The following SYNDIG1 variants were observed in gnomAD, a reference collection of about 807,000 sequenced individuals.
SYNDIG1 encodes synapse differentiation inducing 1.
A neutral mutation model predicts 19.4 loss-of-function variants in SYNDIG1; 9 were observed. That is an observed-to-expected ratio of 0.46 (90% CI 0.28 to 0.81). SYNDIG1 has a LOEUF of 0.81. SYNDIG1 is among the 30% of genes least tolerant of loss of function. The pLI, the probability that SYNDIG1 is intolerant of heterozygous loss-of-function variation, is 0.12. For synonymous variants in SYNDIG1, 141 were observed against 145.9 expected, an observed-to-expected ratio of 0.97 and a Z score of 0.24; for missense variants, 311 against 343.3, an observed-to-expected ratio of 0.91 and a Z score of 0.74.
chr20:24,557,970 A>G (rs1405891950), intron 2 of SYNDIG1, among the ~76,000 whole-genome samples: 1 of 152,140 alleles, frequency 6.6e-6, no homozygotes, highest in African/African-American at 2.4e-5. Flanking sequence ...GCAGCCGAGG[A>G]GATGGGAGCT....
At chr20:24,557,791 C>G (rs896785937) in intron 2 of SYNDIG1, among the ~76,000 whole-genome samples, 7 of 152,202 alleles carry the variant, frequency 4.6e-5, no homozygotes, top group African/African-American at 1.7e-4. Context: ...TCTGCCCGTT[C>G]TCAGATCTCC....
chr20:24,617,445 G>C (rs963808876), intron 3 of SYNDIG1, among the ~76,000 whole-genome samples: 5 of 152,224 alleles, frequency 3.3e-5, no homozygotes, highest in African/African-American at 1.2e-4. Flanking sequence ...CACAGTCACA[G>C]CTGCATCCTT....
intron 3 of SYNDIG1, among the ~76,000 whole-genome samples, chr20:24,605,778 T>C (rs1014374041): frequency 6.6e-6 from 1 of 152,178 alleles, no homozygotes; most frequent in Non-Finnish European, 1.5e-5. Flanking sequence ...AGAGAAAACA[T>C]GCATGTTGAT....
intron 3 of SYNDIG1, among the ~76,000 whole-genome samples, chr20:24,663,091 C>T (rs1343304298): frequency 2.6e-5 from 4 of 152,214 alleles, no homozygotes; most frequent in South Asian, 2.1e-4. Flanking sequence ...CATTAGACCA[C>T]GTTGTGTGTT....
At chr20:24,538,466 A>G (rs1371443668) in intron 1 of SYNDIG1, among the ~76,000 whole-genome samples, 1 of 84,048 alleles carries the variant, frequency 1.2e-5, no homozygotes, top group Non-Finnish European at 2.9e-5. Context: ...GCAATACTCC[A>G]TTGAATGTAG....
intron 1 of SYNDIG1, among the ~76,000 whole-genome samples, chr20:24,524,987 T>C (rs959656647): frequency 6.6e-5 from 10 of 152,166 alleles, no homozygotes; most frequent in Admixed American, 5.2e-4. Flanking sequence ...TTAATTTAGA[T>C]GGGGCTCATT....
chr20:24,537,106 A>G (rs1055425570), intron 1 of SYNDIG1, among the ~76,000 whole-genome samples: 2 of 152,062 alleles, frequency 1.3e-5, no homozygotes, highest in Non-Finnish European at 2.9e-5. Flanking sequence ...GCTTACTATG[A>G]GCCTCTAAAT....
chr20:24,617,555 T>A (rs1483387357), intron 3 of SYNDIG1, among the ~76,000 whole-genome samples: 1 of 152,154 alleles, frequency 6.6e-6, no homozygotes, highest in Admixed American at 6.5e-5. Context: ...CAGAGTCTCC[T>A]CCTTCTGCGA....
chr20:24,527,431 A>G (rs1273671487), intron 1 of SYNDIG1, among the ~76,000 whole-genome samples: 1 of 151,986 alleles, frequency 6.6e-6, no homozygotes, highest in African/African-American at 2.4e-5. Flanking sequence ...TTCATGAACA[A>G]TTGTTCTATA....
intron 1 of SYNDIG1, among the ~76,000 whole-genome samples, chr20:24,504,401 C>T (rs190773135): frequency 2.9e-4 from 44 of 152,280 alleles, no homozygotes; most frequent in African/African-American, 1.1e-3. Context: ...AGCAAAAAGG[C>T]TTAAAGGAAC....
intron 2 of SYNDIG1, among the ~76,000 whole-genome samples, chr20:24,552,915 C>T (rs1210665093): frequency 2.0e-5 from 3 of 152,210 alleles, no homozygotes; most frequent in Non-Finnish European, 2.9e-5. Flanking sequence ...AACTAGTTTA[C>T]AGTCCCACCA....
chr20:24,579,774 G>C (rs1269715970), intron 2 of SYNDIG1, among the ~76,000 whole-genome samples: 1 of 152,206 alleles, frequency 6.6e-6, no homozygotes, highest in Non-Finnish European at 1.5e-5. Context: ...ATGCTCACCA[G>C]AGTCGGTGAG....
chr20:24,579,069 A>G (rs1014920371), intron 2 of SYNDIG1, among the ~76,000 whole-genome samples: 1 of 152,218 alleles, frequency 6.6e-6, no homozygotes, highest in East Asian at 1.9e-4. Flanking sequence ...TAAACATTCC[A>G]CAACAAACTA....
At chr20:24,592,131 G>T (rs987279242) in intron 3 of SYNDIG1, among the ~76,000 whole-genome samples, 1 of 152,170 alleles carries the variant, frequency 6.6e-6, no homozygotes, top group Admixed American at 6.5e-5. Context: ...TGAATTTAAT[G>T]TTCTGTAGCA....
intron 3 of SYNDIG1, among the ~76,000 whole-genome samples, chr20:24,627,423 G>A (rs527744633): frequency 6.6e-6 from 1 of 152,292 alleles, no homozygotes; most frequent in African/African-American, 2.4e-5. Context: ...CCCTTCTGCT[G>A]GTGAATTTTG....
At chr20:24,537,936 T>G (rs1171670404) in intron 1 of SYNDIG1, among the ~76,000 whole-genome samples, 7 of 152,156 alleles carry the variant, frequency 4.6e-5, no homozygotes, top group African/African-American at 1.7e-4. Flanking sequence ...CGCACAGTCT[T>G]CTTTTCTCGG....
At chr20:24,506,416 C>T (rs1323521349) in intron 1 of SYNDIG1, among the ~76,000 whole-genome samples, 1 of 152,214 alleles carries the variant, frequency 6.6e-6, no homozygotes, top group African/African-American at 2.4e-5. Flanking sequence ...GAAATTCCCC[C>T]AAGCGCCAAA....
At chr20:24,544,290 A>G (rs1323670465) in intron 2 of SYNDIG1, among the ~76,000 whole-genome samples, 3 of 152,208 alleles carry the variant, frequency 2.0e-5, no homozygotes, top group Non-Finnish European at 4.4e-5. Flanking sequence ...GCTGCAGGCC[A>G]TGGACTAGCG....
At chr20:24,508,582 TA>T (rs1211374638) in intron 1 of SYNDIG1, among the ~76,000 whole-genome samples, 1 of 151,840 alleles carries the variant, frequency 6.6e-6, no homozygotes, top group Non-Finnish European at 1.5e-5. Flanking sequence ...ATAGGTGAAA[TA>T]AAAGAGATTT....
Sources: allele counts gnomAD v4.1 joint callset (sites outside exome capture counted in the v4.1 genomes callset), GRCh38; gene constraint gnomAD v4.1.1; transcripts MANE v1.5; gene names NCBI Gene and HGNC (gene_info 2026-07-23, HGNC 2026-07-21).